Variants in DZIP1 observed in about 807,000 individuals in gnomAD.
DZIP1 encodes DAZ interacting zinc finger protein 1.
A neutral mutation model predicts 107.6 loss-of-function variants in DZIP1; 97 were observed. That is an observed-to-expected ratio of 0.90 (90% CI 0.77 to 1.07). The LOEUF is 1.07. Among genes scored for constraint, DZIP1 ranks in the 50% least tolerant of loss-of-function variants. The pLI, the probability that DZIP1 is intolerant of heterozygous loss-of-function variation, is 0.00. For synonymous variants in DZIP1, 390 were observed against 386.4 expected (o/e 1.01, Z -0.11); for missense variants, 1,035 against 1,063.6 (o/e 0.97, Z 0.37).
rs768392309 is a variant in DZIP1, at chr13:95,622,448, C to G, written c.1005G>C (p.Gln335His). The change falls in exon 9 of 23, where the codon CAG becomes CAC. Residue 335 changes from glutamine to histidine, a missense_variant. Physicochemically the swap from Gln to His is conservative, Grantham distance 24 (BLOSUM62 0). Coordinates refer to ENST00000376829, the MANE Select transcript of DZIP1 (RefSeq NM_198968.4). ...QLSEIQKSNM[Q>H]IKSNIGTLKD... Reference sequence around the variant, plus strand: ...TTAATGTGCCTATGTTGGACTTGATCTGCATATTGGACTTCTGGATTTCTG... The same window carrying G: ...TTAATGTGCCTATGTTGGACTTGATGTGCATATTGGACTTCTGGATTTCTG... 8.1e-5 allele frequency: 131 copies of G among 1,614,180 alleles called. No individual in the cohort carries two copies. The East Asian group carries it at 1.8e-3, about 23-fold the overall frequency.
chr13:95,639,874 A>C (rs1337427283), intron 5 of DZIP1, among the ~76,000 whole-genome samples: 1 of 152,156 alleles, frequency 6.6e-6, no homozygotes, highest in Non-Finnish European at 1.5e-5. Flanking sequence ...TATAAAACAA[A>C]TAAGCAATTA....
At chr13:95,638,292 G>A (rs1878070078) in intron 5 of DZIP1, among the ~76,000 whole-genome samples, 1 of 151,954 alleles carries the variant, frequency 6.6e-6, no homozygotes, top group Non-Finnish European at 1.5e-5. Flanking sequence ...GTTATACCAT[G>A]TTGGCCAGGC....
At chr13:95,633,678 CA>C (rs567298033) in intron 5 of DZIP1, among the ~76,000 whole-genome samples, 3,375 of 71,218 alleles carry the variant, frequency 0.047, 82 homozygotes, top group African/African-American at 0.14. Context: ...GACTCCATCT[CA>C]AAAAAAAAAA....
At chr13:95,629,104 T>C (rs1876893217) in intron 7 of DZIP1, among the ~76,000 whole-genome samples, 1 of 152,256 alleles carries the variant, frequency 6.6e-6, no homozygotes, top group East Asian at 1.9e-4. Flanking sequence ...TGACTGCTGT[T>C]ATCCCTAGAA....
chr13:95,642,335 C>CCA (rs1251700851), intron 3 of DZIP1, 94 bp from the exon 4 acceptor site: 2 of 342,098 alleles, frequency 5.8e-6, no homozygotes, highest in Non-Finnish European at 1.0e-5. Context: ...CCCCAGGGCG[C>CCA]CACCCTCCCT....
chr13:95,622,991 G>A (rs1009863524), intron 8 of DZIP1, among the ~76,000 whole-genome samples: 3 of 151,944 alleles, frequency 2.0e-5, no homozygotes, highest in Non-Finnish European at 4.4e-5. Flanking sequence ...ACAACAATCT[G>A]CCTACCTCAG....
At chr13:95,611,841 A>C (rs1430668202) in intron 11 of DZIP1, among the ~76,000 whole-genome samples, 196 bp downstream of exon 11, 1 of 152,234 alleles carries the variant, frequency 6.6e-6, no homozygotes, top group African/African-American at 2.4e-5. Flanking sequence ...AACTGTATAA[A>C]TCTTCAACAT....
At position 95,590,265 on chromosome 13, in the gene DZIP1, G is replaced by T; in HGVS notation, c.1843+14C>A. ...TTAAATTAAGCTCCCATTTGCAGTG[G>T]GTAACAAGCTTACCTGAAGAGAGTA... On this transcript the variant is annotated intron_variant, in intron 17 of 22. Transcript: ENST00000376829. 1 of 1,582,448 alleles carries T rather than the reference G, an allele frequency of 6.3e-7. No individual in the cohort carries two copies. Among genetic ancestry groups the T allele is most frequent in the South Asian group, 1.2e-5 (1 of 84,532 alleles).
intron 19 of DZIP1, 185 bp from the exon 20 acceptor site, chr13:95,587,914 C>G (rs938442309): frequency 4.9e-6 from 3 of 610,528 alleles, no homozygotes; most frequent in African/African-American, 3.7e-5. Context: ...CTGTAGCATC[C>G]TCCCACGCCC....
chr13:95,629,537 T>C (rs1276204292), intron 7 of DZIP1, among the ~76,000 whole-genome samples: 1 of 151,968 alleles, frequency 6.6e-6, no homozygotes, highest in African/African-American at 2.4e-5. Context: ...ACAAGGAAAT[T>C]AGGAGCAGCC....
chr13:95,638,636 A>AACACACACAC (rs3051404), intron 5 of DZIP1, among the ~76,000 whole-genome samples: 13 of 149,876 alleles, frequency 8.7e-5, no homozygotes, highest in East Asian at 4.0e-4. Flanking sequence ...CCTTATACAC[A>AACACACACAC]ACACACACAC....
At chr13:95,589,564 G>A (rs2138813016) in intron 18 of DZIP1, among the ~76,000 whole-genome samples, 1 of 152,300 alleles carries the variant, frequency 6.6e-6, no homozygotes, top group Non-Finnish European at 1.5e-5. Flanking sequence ...AAGAGGAAGC[G>A]ATGTATCTCC....
At chr13:95,599,098 A>G (rs1468807269) in intron 15 of DZIP1, among the ~76,000 whole-genome samples, 1 of 152,216 alleles carries the variant, frequency 6.6e-6, no homozygotes, top group Non-Finnish European at 1.5e-5. Flanking sequence ...AAATAAAGAC[A>G]AATTTTTTTT....
chr13:95,605,266 AGAGCAACTGTATGT>A (rs1456050742), intron 14 of DZIP1, among the ~76,000 whole-genome samples: 1 of 152,238 alleles, frequency 6.6e-6, no homozygotes, highest in Non-Finnish European at 1.5e-5. Flanking sequence ...CTTGGATTCC[AGAGCAACTGTATGT>A]GAGACTGGAA....
chr13:95,615,137 A>G (rs961366349), intron 10 of DZIP1, among the ~76,000 whole-genome samples: 2 of 152,162 alleles, frequency 1.3e-5, no homozygotes, highest in African/African-American at 2.4e-5. Flanking sequence ...TATGTGAGGC[A>G]TGCGCCCCAC....
chr13:95,603,725 G>A (rs1331382276), intron 14 of DZIP1, among the ~76,000 whole-genome samples: 2 of 152,182 alleles, frequency 1.3e-5, no homozygotes, highest in African/African-American at 2.4e-5. Flanking sequence ...TACTGGGGAT[G>A]GGAATCAAGC....
chr13:95,636,639 C>T (rs985499864), intron 5 of DZIP1, among the ~76,000 whole-genome samples: 1 of 150,712 alleles, frequency 6.6e-6, no homozygotes, highest in Non-Finnish European at 1.5e-5. Context: ...GAAAGGCTGA[C>T]ATAATTTATC....
Position 95,641,698 on chromosome 13 carries a change from T to C in DZIP1, c.194A>G (p.Glu65Gly), listed in dbSNP as rs772801900. 19 of 1,602,992 alleles carry C rather than the reference T, an allele frequency of 1.2e-5. No homozygotes were observed. In the Admixed American group the frequency reaches 1.3e-4, roughly 11 times the overall value. Residue 65 changes from glutamate (E) to glycine (G), a missense_variant, in exon 5 of 23, where the codon GAG (glutamate) becomes GGG (glycine). By Grantham distance (98) the Glu-to-Gly change is moderately conservative. Coordinates refer to ENST00000376829, the MANE Select transcript of DZIP1 (RefSeq NM_198968.4). This position sits in a 1 kb window ranked among gnomAD's most constrained non-coding sequence, Gnocchi z 4.3. ...GCTCAGCCGCCGCCAGTCCACACTC[T>C]CCAGCCGCGGCCTGAACTGGAAGAA... The part of the protein sequence containing the change: ...LPFFQFRPRL[E>G]SVDWRRLSAI...
chr13:95,604,478 C>A (rs187944547), intron 14 of DZIP1, among the ~76,000 whole-genome samples: 1 of 152,310 alleles, frequency 6.6e-6, no homozygotes, highest in East Asian at 1.9e-4. Context: ...TGTGCCAGGT[C>A]TGGCTGGCAT....
Sources: gnomAD v4.1 joint callset for allele counts (sites outside exome capture counted in the v4.1 genomes callset) on GRCh38, gnomAD v4.1.1 for gene constraint, Gnocchi (gnomAD v3.1) non-coding constraint, MANE v1.5 for transcripts, NCBI Gene and HGNC (gene_info 2026-07-23, HGNC 2026-07-21) for gene names.